The following THSD4 variants were observed in gnomAD, a reference collection of about 807,000 sequenced individuals.
THSD4 encodes thrombospondin type 1 domain containing 4.
Under a neutral mutation model 119.0 loss-of-function variants are expected in THSD4, and 69 were observed. That is an observed-to-expected ratio of 0.58 (90% CI 0.48 to 0.71). THSD4 has a LOEUF of 0.71. THSD4 is among the 30% of genes least tolerant of loss of function. The probability of loss-of-function intolerance (pLI) is 0.00; values close to 1 mark genes in which losing one functional copy is unlikely to be tolerated. For missense variants in THSD4, 1,393 were observed against 1,391.1 expected (o/e 1.00, Z -0.02); for synonymous variants, 524 against 540.4 (o/e 0.97, Z 0.42).
chr15:71,576,651 T>C (rs2049452897), intron 7 of THSD4, among the ~76,000 whole-genome samples: 1 of 152,252 alleles, frequency 6.6e-6, no homozygotes, highest in Admixed American at 6.5e-5. Flanking sequence ...ACTAAAACTC[T>C]GCCTCCTGAA....
At chr15:71,309,715 C>T (rs2045084827) in intron 6 of THSD4, among the ~76,000 whole-genome samples, 2 of 152,172 alleles carry the variant, frequency 1.3e-5, no homozygotes, top group African/African-American at 4.8e-5. Context: ...ATCCAGTTGT[C>T]CAACCACAAT....
At chr15:71,313,860 G>T (rs1225874931) in intron 6 of THSD4, among the ~76,000 whole-genome samples, 1 of 152,148 alleles carries the variant, frequency 6.6e-6, no homozygotes, top group African/African-American at 2.4e-5. Context: ...GGCATCAATT[G>T]TTCCTGTTAG....
At chr15:71,313,772 C>T (rs996713492) in intron 6 of THSD4, among the ~76,000 whole-genome samples, 13 of 152,158 alleles carry the variant, frequency 8.5e-5, no homozygotes, top group African/African-American at 2.9e-4. Flanking sequence ...CTGTGTCTCG[C>T]GGTCTCCCTC....
At chr15:71,476,534 G>A (rs1029612727) in intron 7 of THSD4, among the ~76,000 whole-genome samples, 2 of 152,164 alleles carry the variant, frequency 1.3e-5, no homozygotes, top group East Asian at 3.9e-4. Context: ...GAGCCACCAT[G>A]CCTGGCCAAC....
intron 7 of THSD4, among the ~76,000 whole-genome samples, chr15:71,567,813 G>T (rs1295105474): frequency 6.6e-6 from 1 of 152,064 alleles, no homozygotes; most frequent in South Asian, 2.1e-4. Context: ...GTGTGTGGGT[G>T]TGTGTGTCTG....
At chr15:71,703,851 AGTTT>A (rs1262850277) in intron 8 of THSD4, among the ~76,000 whole-genome samples, 1 of 152,036 alleles carries the variant, frequency 6.6e-6, no homozygotes, top group East Asian at 1.9e-4. Flanking sequence ...GTTTTTTGTT[AGTTT>A]GTTTTTGTTT....
At position 71,536,495 on chromosome 15, in the gene THSD4, A is replaced by G. The variant is rs374123583; in HGVS notation, c.1153-124035A>G. Among the ~76,000 whole-genome samples, 277 of 152,312 alleles carry G rather than the reference A, an allele frequency of 1.8e-3. 18 individuals carry two copies. In the South Asian group the frequency reaches 0.055, roughly 30 times the overall value. On this transcript the variant is annotated intron_variant, in intron 7 of 17. Transcript: ENST00000261862. Reference sequence around the variant, plus strand: ...TCTGCCACCTTGTTTTCCCTTTGCTATGTAATGTAACATATTCACAAATTT... The same window carrying G: ...TCTGCCACCTTGTTTTCCCTTTGCTGTGTAATGTAACATATTCACAAATTT...
intron 7 of THSD4, among the ~76,000 whole-genome samples, chr15:71,413,972 C>T (rs2046723938): frequency 6.6e-6 from 1 of 152,178 alleles, no homozygotes; most frequent in Non-Finnish European, 1.5e-5. Flanking sequence ...TTTCAGATTC[C>T]AAAGCAACTG....
intron 7 of THSD4, among the ~76,000 whole-genome samples, chr15:71,474,200 T>C (rs1324745568): frequency 6.6e-6 from 1 of 151,166 alleles, no homozygotes; most frequent in Admixed American, 6.7e-5. Context: ...CAGCACATAT[T>C]GTTTGGCATC....
intron 7 of THSD4, among the ~76,000 whole-genome samples, chr15:71,543,268 GAAA>G (rs113555331): frequency 6.6e-6 from 1 of 152,106 alleles, no homozygotes; most frequent in African/African-American, 2.4e-5. Context: ...AAAAAAGTTA[GAAA>G]AAAATCAGGA....
intron 6 of THSD4, among the ~76,000 whole-genome samples, chr15:71,370,804 G>C (rs1165038434): frequency 6.6e-6 from 1 of 152,182 alleles, no homozygotes; most frequent in Non-Finnish European, 1.5e-5. Context: ...GGTCCACTTG[G>C]TGCAGAGCTG....
intron 6 of THSD4, among the ~76,000 whole-genome samples, chr15:71,345,477 C>T (rs1373887773): frequency 6.6e-6 from 1 of 152,108 alleles, no homozygotes; most frequent in Admixed American, 6.5e-5. Flanking sequence ...TTAACTTAAA[C>T]CAATTGGATT....
chr15:71,615,631 G>A (rs1279694849), intron 7 of THSD4, among the ~76,000 whole-genome samples: 1 of 151,932 alleles, frequency 6.6e-6, no homozygotes, highest in African/African-American at 2.4e-5. Flanking sequence ...TCTTCCTTAG[G>A]CCCCAAGAAT....
At chr15:71,331,934 A>C (rs1031257068) in intron 6 of THSD4, among the ~76,000 whole-genome samples, 3 of 151,810 alleles carry the variant, frequency 2.0e-5, no homozygotes, top group African/African-American at 7.3e-5. Context: ...AGCAGACATC[A>C]AGACAGGACT....
chr15:71,629,870 C>A lies in THSD4; in HGVS notation c.1153-30660C>A, dbSNP rs1362822184. 2.6e-5 allele frequency among the ~76,000 whole-genome samples: 4 copies of A among 152,154 alleles called. 1 individual carries two copies. The highest frequency in any genetic ancestry group is 2.6e-4 in the Admixed American group (4 of 15,280). On this transcript the variant is annotated intron_variant, in intron 7 of 17. Transcript: ENST00000261862. ...CTCAGCTCTCAGGAGCCTATTTCCT[C>A]GGGTTACTCTGGCTGTAAGGTAGTG...
At chr15:71,304,200 T>C (rs1467693848) in intron 6 of THSD4, among the ~76,000 whole-genome samples, 1 of 152,106 alleles carries the variant, frequency 6.6e-6, no homozygotes, top group Non-Finnish European at 1.5e-5. Context: ...CTCTCTCCAC[T>C]GCATGAAACA....
chr15:71,721,301 G>A (rs2052717459), intron 8 of THSD4, among the ~76,000 whole-genome samples: 1 of 152,236 alleles, frequency 6.6e-6, no homozygotes, highest in South Asian at 2.1e-4. Context: ...AAGGTCAAGA[G>A]ATCGAGACCA....
intron 6 of THSD4, among the ~76,000 whole-genome samples, chr15:71,406,674 G>C (rs1162402199): frequency 6.6e-6 from 1 of 150,500 alleles, no homozygotes; most frequent in Non-Finnish European, 1.5e-5. Context: ...GTGTGTGTGT[G>C]TGTGTGTGTG....
chr15:71,227,159 C>T (rs1031844251), intron 4 of THSD4, among the ~76,000 whole-genome samples: 4 of 152,220 alleles, frequency 2.6e-5, no homozygotes. Context: ...TTGAGTTACT[C>T]TGATCTCAGA....
Sources: gnomAD v4.1 joint callset for allele counts (sites outside exome capture counted in the v4.1 genomes callset) on GRCh38, gnomAD v4.1.1 for gene constraint, MANE v1.5 for transcripts, NCBI Gene and HGNC (gene_info 2026-07-23, HGNC 2026-07-21) for gene names.